ZNF461: variants seen among roughly 807,000 people sequenced by gnomAD.
The protein encoded by ZNF461 is gonadotropin-inducible ovarian transcription factor-1.
Under a neutral mutation model 18.3 loss-of-function variants are expected in ZNF461, and 16 were observed. That is an observed-to-expected ratio of 0.88 (90% CI 0.59 to 1.33). The LOEUF (loss-of-function observed/expected upper bound fraction) is 1.33, where lower values mean the gene tolerates loss of function less well. ZNF461 is among the 40% of genes most tolerant of loss of function. The pLI, the probability that ZNF461 is intolerant of heterozygous loss-of-function variation, is 0.00. For missense variants in ZNF461, 595 were observed against 669.9 expected (o/e 0.89, Z 1.23); for synonymous variants, 179 against 216.9 (o/e 0.83, Z 1.54).
intron 5 of ZNF461, among the ~76,000 whole-genome samples, chr19:36,641,314 A>G (rs749613985): frequency 2.0e-5 from 3 of 152,058 alleles, no homozygotes; most frequent in Admixed American, 6.6e-5. Context: ...GAGGTCAGGC[A>G]TTGGAGACCA....
chr19:36,656,346 A>T, intron 4 of ZNF461, 102 bp downstream of exon 4: 1 of 909,498 alleles, frequency 1.1e-6, no homozygotes, highest in Non-Finnish European at 1.8e-6. Flanking sequence ...TATGTTTTGA[A>T]ATCAGGTTTT....
At chr19:36,645,488 G>A (rs896249740) in intron 4 of ZNF461, among the ~76,000 whole-genome samples, 8 of 151,928 alleles carry the variant, frequency 5.3e-5, no homozygotes, top group Admixed American at 5.2e-4. Flanking sequence ...TATTTTTTGA[G>A]AAACACTTTA....
intron 4 of ZNF461, among the ~76,000 whole-genome samples, chr19:36,652,781 G>A (rs981505365): frequency 2.2e-4 from 34 of 152,046 alleles, no homozygotes; most frequent in African/African-American, 6.8e-4. Context: ...CGCTCTTCAC[G>A]ATAAACCTTG....
intron 4 of ZNF461, among the ~76,000 whole-genome samples, chr19:36,652,229 T>A (rs2037639074): frequency 6.6e-6 from 1 of 151,860 alleles, no homozygotes; most frequent in Non-Finnish European, 1.5e-5. Context: ...CGGTGGCACA[T>A]GCCTGTAATC....
Position 36,657,207 on chromosome 19 carries a change from G to A in ZNF461, c.137-664C>T, listed in dbSNP as rs181316634. 6.6e-3 allele frequency among the ~76,000 whole-genome samples: 999 copies of A among 152,030 alleles called. 4 individuals carry two copies. The highest frequency in any genetic ancestry group is 0.011 in the Non-Finnish European group (733 of 67,988). ...ACTTAAAAGAGAGTACAGGTCAGGC[G>A]CGGTGGCTCACACCTGTAATCCCAG... On this transcript the variant is annotated intron_variant, in intron 3 of 5. Coordinates refer to ENST00000588268, the MANE Select transcript of ZNF461 (RefSeq NM_153257.5).
Position 36,664,739 on chromosome 19 carries a change from C to T in ZNF461, c.-33G>A. ...TTTAGAATTGAATGTATTATTTAAT[C>T]CTCTTCTTCGTTCCCTCTGGAAGAA... On this transcript the variant is annotated 5_prime_UTR_variant, in exon 2 of 6. Transcript: ENST00000588268. The T allele has an allele frequency of 6.9e-7, 1 of 1,455,256 alleles. No individual in the cohort carries two copies. Among genetic ancestry groups the T allele is most frequent in the South Asian group, 1.6e-5 (1 of 64,180 alleles). 90.1% of individuals were successfully genotyped at this position (1,455,256 alleles called of 1,614,324 possible).
In ZNF461 at chr19:36,638,324, C is replaced by T. The variant is rs1225631095; in HGVS notation, c.*329G>A. 6.7e-5 allele frequency: 14 copies of T among 208,002 alleles called. No homozygotes were observed. The highest frequency in any genetic ancestry group is 1.2e-4 in the Non-Finnish European group (12 of 103,468). 12.9% of individuals were successfully genotyped at this position (208,002 alleles called of 1,614,324 possible). ...CATAAAGGAAGAAGAAATACACATACTGGTTATCTCAGAGATTTGAGGGAA... is the reference window on the plus strand; with the variant it reads ...CATAAAGGAAGAAGAAATACACATATTGGTTATCTCAGAGATTTGAGGGAA... On this transcript the variant is annotated 3_prime_UTR_variant, in exon 6 of 6. Transcript: ENST00000588268.
At chr19:36,651,225 C>T (rs910939515) in intron 4 of ZNF461, among the ~76,000 whole-genome samples, 4 of 133,760 alleles carry the variant, frequency 3.0e-5, no homozygotes, top group Non-Finnish European at 4.7e-5. Context: ...AGCGAGACTC[C>T]GTCTCAGGAA....
chr19:36,638,904 G>T lies in ZNF461; in HGVS notation c.1441C>A (p.His481Asn), dbSNP rs61746529. Reference sequence around the variant, plus strand: ...CTTTGATGTTGAATAAGGTGTGAATGAAGTCTAAAGGCCTTACCACATATC... The same window carrying T: ...CTTTGATGTTGAATAAGGTGTGAATTAAGTCTAAAGGCCTTACCACATATC... ...CMICGKAFRLHSHLIQHQRIH... is the reference protein window; with the variant it reads ...CMICGKAFRLNSHLIQHQRIH... The change falls in exon 6 of 6, where the codon CAT becomes AAT. Residue 481 changes from histidine to asparagine, a missense_variant. Transcript: ENST00000588268. 6.2e-7 allele frequency: 1 copy of T among 1,613,106 alleles called. No homozygotes were observed.
At position 36,640,036 on chromosome 19, in the gene ZNF461, T is replaced by G. The variant is rs1438020560; in HGVS notation, c.309A>C (p.Ala103=). The G allele has an allele frequency of 4.4e-6, 7 of 1,601,396 alleles. No homozygotes were observed. Among genetic ancestry groups the G allele is most frequent in the South Asian group, 1.1e-5 (1 of 89,478 alleles). ...ATAACTTCTGGGGCTCATCTCTGGA[T>G]GCCAAGTCTGAAAGATAAGAAATAT... is the stretch of plus-strand genomic sequence containing the variant. The part of the protein sequence containing the change: ...NEATDINADL[A]SRDEPQKLSP... The change falls in exon 6 of 6, where the codon GCA becomes GCC. Residue 103 remains alanine (A), a synonymous_variant. Coordinates refer to ENST00000588268, the MANE Select transcript of ZNF461 (RefSeq NM_153257.5).
chr19:36,650,137 C>T (rs530318625), intron 4 of ZNF461, among the ~76,000 whole-genome samples: 4 of 152,108 alleles, frequency 2.6e-5, no homozygotes, highest in Non-Finnish European at 5.9e-5. Flanking sequence ...ATTGCTACTG[C>T]ACTTCAGCCT....
intron 4 of ZNF461, among the ~76,000 whole-genome samples, chr19:36,654,633 A>G (rs2037685336): frequency 6.6e-6 from 1 of 152,052 alleles, no homozygotes; most frequent in Non-Finnish European, 1.5e-5. Flanking sequence ...TGGCCACCCA[A>G]AGTGCTGGGA....
intron 4 of ZNF461, among the ~76,000 whole-genome samples, chr19:36,648,867 C>T (rs1173149533): frequency 6.6e-6 from 1 of 152,172 alleles, no homozygotes; most frequent in Non-Finnish European, 1.5e-5. Flanking sequence ...AGTCATGAGC[C>T]ACCGTGCCCA....
intron 4 of ZNF461, among the ~76,000 whole-genome samples, chr19:36,644,527 C>G (rs1443339735): frequency 6.6e-6 from 1 of 151,876 alleles, no homozygotes; most frequent in Non-Finnish European, 1.5e-5. Context: ...CCTTGGCCTC[C>G]CAAAGTGCTG....
chr19:36,650,351 G>A (rs991370184), intron 4 of ZNF461, among the ~76,000 whole-genome samples: 6 of 151,960 alleles, frequency 3.9e-5, no homozygotes, highest in Admixed American at 3.9e-4. Flanking sequence ...AGAAGATATG[G>A]ACGAAATCTT....
At position 36,664,752 on chromosome 19, in the gene ZNF461, C is replaced by T. The variant is rs780426553; in HGVS notation, c.-46G>A. 5 of 1,420,916 alleles carry T rather than the reference C, an allele frequency of 3.5e-6. No homozygotes were observed. The highest frequency in any genetic ancestry group is 1.5e-5 in the African/African-American group (1 of 67,744). The allele number at this position is 1,420,916 out of a possible 1,614,324, so 88.0% of individuals were successfully genotyped here. On this transcript the variant is annotated 5_prime_UTR_variant, in exon 2 of 6. Coordinates refer to ENST00000588268, the MANE Select transcript of ZNF461 (RefSeq NM_153257.5). ...GTATTATTTAATCCTCTTCTTCGTT[C>T]CCTCTGGAAGAAACTCAATCCAAAG...
intron 5 of ZNF461, among the ~76,000 whole-genome samples, chr19:36,642,191 C>G (rs1025632575): frequency 6.6e-6 from 1 of 152,108 alleles, no homozygotes; most frequent in African/African-American, 2.4e-5. Flanking sequence ...CTCAGCCCCT[C>G]GAAGTGCTGA....
intron 2 of ZNF461, among the ~76,000 whole-genome samples, chr19:36,660,260 A>G (rs941759500): frequency 1.2e-4 from 17 of 147,112 alleles, no homozygotes; most frequent in African/African-American, 4.0e-4. Flanking sequence ...AGTGATTCTC[A>G]TGCCTCAGCC....
chr19:36,639,758 T>A lies in ZNF461; in HGVS notation c.587A>T (p.Lys196Met), dbSNP rs757415090. The A allele has an allele frequency of 4.3e-6, 7 of 1,613,512 alleles. No homozygotes were observed. The highest frequency in any genetic ancestry group is 5.9e-6 in the Non-Finnish European group (7 of 1,179,648). The change falls in exon 6 of 6, where the codon AAG becomes ATG. Residue 196 changes from lysine (K) to methionine (M), a missense_variant. Transcript: ENST00000588268. Reference protein sequence around the residue: ...YDREKISECKKCRKIFSYHLF... With the variant: ...YDREKISECKMCRKIFSYHLF... ...ATGGTAACTGAAGATTTTTCTACACTTTTTACATTCAGAGATTTTCTCTCT... is the reference window on the plus strand; with the variant it reads ...ATGGTAACTGAAGATTTTTCTACACATTTTACATTCAGAGATTTTCTCTCT...
Sources: gnomAD v4.1 joint callset for allele counts (sites outside exome capture counted in the v4.1 genomes callset) on GRCh38, gnomAD v4.1.1 for gene constraint, MANE v1.5 for transcripts, NCBI Gene and HGNC (gene_info 2026-07-23, HGNC 2026-07-21) for gene names.